Variants in BTNL3 observed in about 807,000 individuals in gnomAD.
BTNL3 encodes butyrophilin-like protein 3.
BTNL3 carries 20 observed loss-of-function variants against 40.1 expected under a neutral mutation model. The observed-to-expected ratio is 0.50, with a 90% confidence interval of 0.35 to 0.72. The LOEUF is 0.72. BTNL3 is among the 30% of genes least tolerant of loss of function. The probability of loss-of-function intolerance (pLI) is 0.01; values close to 1 mark genes in which losing one functional copy is unlikely to be tolerated. For synonymous variants in BTNL3, 179 were observed against 222.1 expected (o/e 0.81, Z 1.73); for missense variants, 449 against 582.2 (o/e 0.77, Z 2.35).
chr5:180,997,528 A>G (rs1760051522), intron 3 of BTNL3, 40 bp downstream of exon 3: 1 of 1,460,886 alleles, frequency 6.8e-7, no homozygotes, highest in Non-Finnish European at 9.5e-7. Flanking sequence ...GGGTGTGTGC[A>G]TACGTAACCC....
At position 181,005,331 on chromosome 5, in the gene BTNL3, C is replaced by T. The variant is rs1212981865; in HGVS notation, c.863-3C>T. ...GCTTCCTCTCTCCCCCACCGCACCC[C>T]AGTGGAGGTGACTCTGGATCCAGAG... On this transcript the variant is annotated splice_polypyrimidine_tract_variant and splice_region_variant and intron_variant, in intron 7 of 7. Transcript: ENST00000342868. The T allele has an allele frequency of 4.3e-6, 7 of 1,610,640 alleles. No individual in the cohort carries two copies. Among genetic ancestry groups the T allele is most frequent in the South Asian group, 2.2e-5 (2 of 90,978 alleles).
In BTNL3 at chr5:180,997,347, G is replaced by A; in HGVS notation, c.532G>A (p.Asp178Asn). ...TCCACAAGGACAGGATTTGTCTTCAGACTCCAGAGCAAATGCAGATGGGTA... is the reference window on the plus strand; with the variant it reads ...TCCACAAGGACAGGATTTGTCTTCAAACTCCAGAGCAAATGCAGATGGGTA... ...KGPQGQDLSS[D>N]SRANADGYSL... The change falls in exon 3 of 8, where the codon GAC becomes AAC. Residue 178 changes from aspartate (D) to asparagine (N), a missense_variant. Asp to Asn is a conservative substitution (Grantham distance 23). Around this residue, in one of 2 missense-constraint regions of BTNL3, gnomAD observed 323 missense variants for 464.9 expected, o/e 0.69. Coordinates refer to ENST00000342868, the MANE Select transcript of BTNL3 (RefSeq NM_197975.3). The A allele has an allele frequency of 6.8e-7, 1 of 1,464,510 alleles. No individual in the cohort carries two copies. Among genetic ancestry groups the A allele is most frequent in the Non-Finnish European group, 9.4e-7 (1 of 1,059,394 alleles). The allele number at this position is 1,464,510 out of a possible 1,614,324, so 90.7% of individuals were successfully genotyped here. A position where few individuals can be genotyped will look rare whatever the true frequency, so the allele number is the denominator to read the frequency against.
chr5:181,004,262 C>A (rs1466150760), intron 5 of BTNL3, among the ~76,000 whole-genome samples, 155 bp from the exon 6 acceptor site: 1 of 147,680 alleles, frequency 6.8e-6, no homozygotes, highest in Non-Finnish European at 1.5e-5. Flanking sequence ...TCTGTATCAA[C>A]CACTAAATAG....
chr5:180,997,165 A>T (rs1424491731), intron 2 of BTNL3, 48 bp from the exon 3 acceptor site: 1 of 1,461,310 alleles, frequency 6.8e-7, no homozygotes, highest in South Asian at 1.1e-5. Context: ...AAATGCTGTA[A>T]GCTTGAAATT....
chr5:180,995,052 G>C (rs1431186028), intron 2 of BTNL3, among the ~76,000 whole-genome samples: 1 of 136,614 alleles, frequency 7.3e-6, no homozygotes, highest in Admixed American at 7.8e-5. Flanking sequence ...CTCCCAAAGT[G>C]CTGGGATTAC....
rs1256275537 is a variant in BTNL3 at position 180,995,080 on chromosome 5, C to G, written c.397+1920C>G. Among the ~76,000 whole-genome samples, 2 of 136,974 alleles carry G rather than the reference C, an allele frequency of 1.5e-5. 1 individual carries two copies. The highest frequency in any genetic ancestry group is 1.5e-4 in the Admixed American group (2 of 12,958). The allele number at this position is 136,974 out of a possible 152,430, so 89.9% of individuals were successfully genotyped here. ...GGGATTACAGGCCTGAGCCACCATGCCAGGCCAATAATTTTATTTTCTGTC... is the reference window on the plus strand; with the variant it reads ...GGGATTACAGGCCTGAGCCACCATGGCAGGCCAATAATTTTATTTTCTGTC... On this transcript the variant is annotated intron_variant, in intron 2 of 7. Transcript: ENST00000342868.
Position 181,001,445 on chromosome 5 carries a change from AG to A in BTNL3, c.674-1225del, listed in dbSNP as rs1196861108. On this transcript the variant is annotated intron_variant, in intron 3 of 7. Transcript: ENST00000342868. Reference sequence around the variant, plus strand: ...CAGCCTCCCAAGTAGCTGGGACCACAGGTGTGCACCACCATGCCTGGCTAAT... The same window carrying A: ...CAGCCTCCCAAGTAGCTGGGACCACAGTGTGCACCACCATGCCTGGCTAAT... Among the ~76,000 whole-genome samples the A allele has an allele frequency of 3.8e-5, 5 of 131,450 alleles. 2 individuals are homozygous for A. The highest frequency in any genetic ancestry group is 8.6e-5 in the Non-Finnish European group (5 of 58,280). 86.2% of individuals were successfully genotyped at this position (131,450 alleles called of 152,430 possible). A position where few individuals can be genotyped will look rare whatever the true frequency, so the allele number is the denominator to read the frequency against.
At chr5:180,999,741 A>C (rs1760081441) in intron 3 of BTNL3, among the ~76,000 whole-genome samples, 1 of 136,842 alleles carries the variant, frequency 7.3e-6, no homozygotes, top group South Asian at 2.2e-4. Context: ...CAGAGATTGC[A>C]GTGAGCTGAG....
In BTNL3 at chr5:180,996,075, T is replaced by C. The variant is rs565913399; in HGVS notation, c.398-1138T>C. ...ATGCACTGATCCAGACCCTAGGGAATGACAGAGTACAACACTCAGAGAGGA... is the reference window on the plus strand; with the variant it reads ...ATGCACTGATCCAGACCCTAGGGAACGACAGAGTACAACACTCAGAGAGGA... On this transcript the variant is annotated intron_variant, in intron 2 of 7. Transcript: ENST00000342868. Among the ~76,000 whole-genome samples, 2 of 136,546 alleles carry C rather than the reference T, an allele frequency of 1.5e-5. 1 individual carries two copies. The highest frequency in any genetic ancestry group is 4.3e-4 in the East Asian group (2 of 4,634). 89.6% of individuals were successfully genotyped at this position (136,546 alleles called of 152,430 possible).
Position 180,995,106 on chromosome 5 carries a change from A to G in BTNL3, c.397+1946A>G, listed in dbSNP as rs1315323666. Among the ~76,000 whole-genome samples, 3 of 135,992 alleles carry G rather than the reference A, an allele frequency of 2.2e-5. No individual in the cohort carries two copies. The East Asian group carries it at 6.5e-4, about 30-fold the overall frequency. 89.2% of individuals were successfully genotyped at this position (135,992 alleles called of 152,430 possible). A position where few individuals can be genotyped will look rare whatever the true frequency, so the allele number is the denominator to read the frequency against. ...CAGGCCAATAATTTTATTTTCTGTC[A>G]TCTCCACTCTAGCATTGAAGCTACC... is the stretch of plus-strand genomic sequence containing the variant. On this transcript the variant is annotated intron_variant, in intron 2 of 7. Transcript: ENST00000342868.
chr5:180,999,013 G>A (rs1760071391), intron 3 of BTNL3, among the ~76,000 whole-genome samples: 1 of 136,020 alleles, frequency 7.4e-6, no homozygotes, highest in African/African-American at 2.5e-5. Context: ...TGTAATCCCA[G>A]CTACCTGGGA....
In BTNL3 at chr5:180,997,280, G is replaced by T; in HGVS notation, c.465G>T (p.Leu155=). ...YVDGGIQLLC[L]SSGWFPQPTA... ...ACGGAGGTATCCAGTTACTCTGCCT[G>T]TCCTCAGGCTGGTTCCCCCAGCCCA... Residue 155 remains leucine, a synonymous_variant, in exon 3 of 8, where the codon CTG becomes CTT. Transcript: ENST00000342868. 4 of 1,464,580 alleles carry T rather than the reference G, an allele frequency of 2.7e-6. 1 individual carries two copies. The highest frequency in any genetic ancestry group is 3.8e-6 in the Non-Finnish European group (4 of 1,059,502). The allele number at this position is 1,464,580 out of a possible 1,614,324, so 90.7% of individuals were successfully genotyped here. A position where few individuals can be genotyped will look rare whatever the true frequency, so the allele number is the denominator to read the frequency against.
intron 2 of BTNL3, 105 bp from the exon 3 acceptor site, chr5:180,997,108 A>G (rs1760044276): frequency 3.0e-6 from 4 of 1,347,708 alleles, no homozygotes; most frequent in Non-Finnish European, 3.1e-6. Flanking sequence ...GAGAGAGAGA[A>G]AAGGATGTAT....
Position 180,999,579 on chromosome 5 carries a change from C to T in BTNL3, c.673+2091C>T, listed in dbSNP as rs538495319. On this transcript the variant is annotated intron_variant, in intron 3 of 7. Transcript: ENST00000342868. ...GTGTGGAAGGCTGAGGCGGGCAGAT[C>T]GCTTGAGGTCAGGAGTTTGAGACCA... 5.1e-5 allele frequency among the ~76,000 whole-genome samples: 7 copies of T among 136,816 alleles called. No homozygotes were observed. The South Asian group carries it at 6.5e-4, about 13-fold the overall frequency. The allele number at this position is 136,816 out of a possible 152,430, so 89.8% of individuals were successfully genotyped here.
rs1760225043 is a variant in BTNL3, at chr5:181,006,018, T to A, written c.*146T>A. The A allele has an allele frequency of 9.7e-6, 9 of 926,652 alleles. No homozygotes were observed. The highest frequency in any genetic ancestry group is 1.4e-5 in the Non-Finnish European group (9 of 637,590). The allele number at this position is 926,652 out of a possible 1,614,324, so 57.4% of individuals were successfully genotyped here. A position where few individuals can be genotyped will look rare whatever the true frequency, so the allele number is the denominator to read the frequency against. Reference sequence around the variant, plus strand: ...CCCACTCTCCTTTAGGGAGCTGAGGTTCTTCTGCCCTGAGCCCTGCAGCAG... The same window carrying A: ...CCCACTCTCCTTTAGGGAGCTGAGGATCTTCTGCCCTGAGCCCTGCAGCAG... On this transcript the variant is annotated 3_prime_UTR_variant, in exon 8 of 8. Coordinates refer to ENST00000342868, the MANE Select transcript of BTNL3 (RefSeq NM_197975.3).
intron 7 of BTNL3, 109 bp downstream of exon 7, chr5:181,004,871 C>T (rs1760190584): frequency 1.3e-6 from 2 of 1,597,016 alleles, no homozygotes; most frequent in East Asian, 2.2e-5. Context: ...CCCGAATCCA[C>T]CCCAGGGTGC....
chr5:180,999,685 A>C lies in BTNL3; in HGVS notation c.673+2197A>C, dbSNP rs1414968327. On this transcript the variant is annotated intron_variant, in intron 3 of 7. Transcript: ENST00000342868. ...CGTGGTGGTGTGTGTCTGTAATCCC[A>C]GCTACTCTGGAGGCTGAGGCTGGAG... 2.2e-5 allele frequency among the ~76,000 whole-genome samples: 3 copies of C among 136,534 alleles called. 1 individual carries two copies. In the Admixed American group the frequency reaches 2.3e-4, roughly 11 times the overall value. The allele number at this position is 136,534 out of a possible 152,430, so 89.6% of individuals were successfully genotyped here.
In BTNL3 at chr5:181,004,752, G is replaced by A; in HGVS notation, c.852G>A (p.Arg284=). Residue 284 remains arginine (R), a synonymous_variant, in exon 7 of 8, where the codon CGG becomes CGA. Coordinates refer to ENST00000342868, the MANE Select transcript of BTNL3 (RefSeq NM_197975.3). ...KHGQAELRDA[R]KHAVEVTLDP... is the part of the protein sequence containing the mutation. ...TGCTTTCAGAATTGAGAGACGCCCGGAAACACGCAGGTACCAACGCCTGAG... is the reference window on the plus strand; with the variant it reads ...TGCTTTCAGAATTGAGAGACGCCCGAAAACACGCAGGTACCAACGCCTGAG... The A allele has an allele frequency of 6.2e-7, 1 of 1,614,200 alleles. No homozygotes were observed. The highest frequency in any genetic ancestry group is 8.5e-7 in the Non-Finnish European group (1 of 1,180,032).
chr5:181,005,045 G>T (rs545387819), intron 7 of BTNL3, among the ~76,000 whole-genome samples: 36 of 152,238 alleles, frequency 2.4e-4, no homozygotes, highest in Non-Finnish European at 1.8e-4. Flanking sequence ...AGCAGGAACT[G>T]GTGGGTGGAA....
Sources: gnomAD v4.1 joint callset for allele counts (sites outside exome capture counted in the v4.1 genomes callset) on GRCh38, gnomAD v4.1.1 for gene constraint, gnomAD v4.1.1 regional missense constraint, MANE v1.5 for transcripts, NCBI Gene and HGNC (gene_info 2026-07-23, HGNC 2026-07-21) for gene names.